Variants in MTHFSD observed in about 807,000 individuals in gnomAD.
MTHFSD encodes the protein methenyltetrahydrofolate synthetase domain containing.
In MTHFSD, 37 loss-of-function variants were observed where a neutral mutation model predicts 31.1. That is an observed-to-expected ratio of 1.19 (90% CI 0.91 to 1.56). The LOEUF (loss-of-function observed/expected upper bound fraction) is 1.56. Among genes scored for constraint, MTHFSD ranks in the 40% most tolerant of loss-of-function variants. MTHFSD has a pLI of 0.00. For missense variants in MTHFSD, 664 were observed against 510.1 expected (o/e 1.30, Z -2.91); for synonymous variants, 221 against 206.9 (o/e 1.07, Z -0.59).
chr16:86,541,104 TG>T lies in MTHFSD; in HGVS notation c.681+592del. On this transcript the variant is annotated intron_variant, in intron 7 of 7. Coordinates refer to ENST00000360900, the MANE Select transcript of MTHFSD (RefSeq NM_001159377.2). Reference sequence around the variant, plus strand: ...CAAATGTCTTCTCAGTAATTCTGGCTGTTTGCCAGCAGAGACAGCATCATAA... The same window carrying T: ...CAAATGTCTTCTCAGTAATTCTGGCTTTTGCCAGCAGAGACAGCATCATAA... 2.3e-6 allele frequency: 3 copies of T among 1,277,900 alleles called. No individual in the cohort carries two copies. In the South Asian group the frequency reaches 3.8e-5, roughly 16 times the overall value. The allele number at this position is 1,277,900 out of a possible 1,614,324, so 79.2% of individuals were successfully genotyped here.
chr16:86,546,658 A>C lies in MTHFSD; in HGVS notation c.352-9T>G. Reference sequence around the variant, plus strand: ...CTGTAGTTCCTCACACCCTGCACACAGAGATACGGATTGGAAAACTTCAAC... The same window carrying C: ...CTGTAGTTCCTCACACCCTGCACACCGAGATACGGATTGGAAAACTTCAAC... On this transcript the variant is annotated splice_polypyrimidine_tract_variant and intron_variant, in intron 4 of 7. Transcript: ENST00000360900. 1 of 1,609,120 alleles carries C rather than the reference A, an allele frequency of 6.2e-7. No homozygotes were observed. The highest frequency in any genetic ancestry group is 1.1e-5 in the South Asian group (1 of 90,978).
intron 2 of MTHFSD, among the ~76,000 whole-genome samples, chr16:86,552,481 G>GA (rs1230350766): frequency 6.6e-6 from 1 of 152,148 alleles, no homozygotes; most frequent in Non-Finnish European, 1.5e-5. Flanking sequence ...AGCTTTAACT[G>GA]AAATGAAACA....
rs55782369 is a variant in MTHFSD at position 86,542,386 on chromosome 16, G to T, written c.443-173C>A. On this transcript the variant is annotated intron_variant, in intron 5 of 7. Coordinates refer to ENST00000360900, the MANE Select transcript of MTHFSD (RefSeq NM_001159377.2). This position sits in a 1 kb window ranked among gnomAD's most constrained non-coding sequence, Gnocchi z 4.6. ...CCCACAAGCAGCCCACACTGACGAT[G>T]GACTTTTGGGCATTCAACAGGAATA... 68,804 of 597,066 alleles carry T rather than the reference G, an allele frequency of 0.12. 4,648 individuals carry two copies. The highest frequency in any genetic ancestry group is 0.22 in the South Asian group (10,811 of 49,406). The allele number at this position is 597,066 out of a possible 1,614,324, so 37.0% of individuals were successfully genotyped here. A position where few individuals can be genotyped will look rare whatever the true frequency, so the allele number is the denominator to read the frequency against.
At position 86,546,558 on chromosome 16, in the gene MTHFSD, C is replaced by T; in HGVS notation, c.442+1G>A. On this transcript the variant is annotated splice_donor_variant, in intron 5 of 7. Coordinates refer to ENST00000360900, the MANE Select transcript of MTHFSD (RefSeq NM_001159377.2). LOFTEE classifies it high-confidence loss of function. ...CAAGGGTTCCCATCTGCTAGTCTTA[C>T]CTTTTTCAGAAACGGCGACGGATCC... The T allele has an allele frequency of 6.2e-7, 1 of 1,613,884 alleles. No individual in the cohort carries two copies. The highest frequency in any genetic ancestry group is 8.5e-7 in the Non-Finnish European group (1 of 1,179,934).
At chr16:86,533,065 AAC>A (rs1215694299) in intron 7 of MTHFSD, 3 of 152,288 alleles carry the variant, frequency 2.0e-5, no homozygotes, top group Non-Finnish European at 4.4e-5. Flanking sequence ...GCAAGTCTGA[AAC>A]ACAGCTTTGA....
At chr16:86,547,049 G>C (rs2143751440) in intron 4 of MTHFSD, 1 of 600,992 alleles carries the variant, frequency 1.7e-6, no homozygotes, top group Non-Finnish European at 2.1e-6. Flanking sequence ...AGTTTCTTCA[G>C]CTGTAAGACA....
chr16:86,552,399 AC>A, intron 2 of MTHFSD: 1 of 891,658 alleles, frequency 1.1e-6, no homozygotes, highest in East Asian at 2.7e-5. Context: ...ACTAACAGTC[AC>A]CCAAAGAAAC....
Position 86,532,219 on chromosome 16 carries a change from C to T in MTHFSD, c.944G>A (p.Gly315Glu), listed in dbSNP as rs778077707. 41 of 1,582,414 alleles carry T rather than the reference C, an allele frequency of 2.6e-5. No individual in the cohort carries two copies. Among genetic ancestry groups the T allele is most frequent in the South Asian group, 8.1e-5 (7 of 86,482 alleles). The change falls in exon 8 of 8, where the codon GGG becomes GAG. Residue 315 changes from glycine to glutamate, a missense_variant. By Grantham distance (98) the Gly-to-Glu change is moderately conservative (BLOSUM62 -2). Coordinates refer to ENST00000360900, the MANE Select transcript of MTHFSD (RefSeq NM_001159377.2). ...AADVYVGNLP[G>E]DARVSDLKRA... is the part of the protein sequence containing the mutation. ...CTTCAGGTCACTCACACGGGCGTCCCCGGGGAGGTTCCCAACGTAAACATC... is the reference window on the plus strand; with the variant it reads ...CTTCAGGTCACTCACACGGGCGTCCTCGGGGAGGTTCCCAACGTAAACATC...
chr16:86,546,147 C>T (rs1195373302), intron 5 of MTHFSD, among the ~76,000 whole-genome samples: 3 of 152,176 alleles, frequency 2.0e-5, no homozygotes, highest in Non-Finnish European at 2.9e-5. Flanking sequence ...TCGGACACAC[C>T]GTGTTGTTCA....
intron 5 of MTHFSD, among the ~76,000 whole-genome samples, chr16:86,543,223 GC>G (rs1415532290): frequency 2.0e-5 from 3 of 152,236 alleles, no homozygotes; most frequent in Non-Finnish European, 2.9e-5. Context: ...CTGCTCACTA[GC>G]GGACTGCTCA....
intron 5 of MTHFSD, among the ~76,000 whole-genome samples, chr16:86,545,501 A>G (rs1263892247): frequency 6.6e-6 from 1 of 152,080 alleles, no homozygotes; most frequent in Non-Finnish European, 1.5e-5. Flanking sequence ...AAGTCCCATC[A>G]TCTGGCCTCA....
chr16:86,541,891 C>G, intron 6 of MTHFSD, 69 bp from the exon 7 acceptor site: 1 of 1,590,132 alleles, frequency 6.3e-7, no homozygotes, highest in Admixed American at 1.7e-5. Context: ...CTGCCCCGCT[C>G]GGTGGGAACG....
Position 86,542,102 on chromosome 16 carries a change from T to C in MTHFSD, c.554A>G (p.Gln185Arg). ...TPVVTIVHDCQVVDIPEELVE... is the reference protein window; with the variant it reads ...TPVVTIVHDCRVVDIPEELVE... Reference sequence around the variant, plus strand: ...GCTCAGCCCATTCATAAGGAGCACCTGGCAGTCGTGGACGATGGTGACCAC... The same window carrying C: ...GCTCAGCCCATTCATAAGGAGCACCCGGCAGTCGTGGACGATGGTGACCAC... Residue 185 changes from glutamine (Q) to arginine (R), a missense_variant and splice_region_variant, in exon 6 of 8, where the codon CAG becomes CGG. By Grantham distance (43) the Gln-to-Arg change is conservative. Coordinates refer to ENST00000360900, the MANE Select transcript of MTHFSD (RefSeq NM_001159377.2). This position sits in a 1 kb window ranked among gnomAD's most constrained non-coding sequence, Gnocchi z 4.6. 1 of 1,613,010 alleles carries C rather than the reference T, an allele frequency of 6.2e-7. No homozygotes were observed. Among genetic ancestry groups the C allele is most frequent in the Non-Finnish European group, 8.5e-7 (1 of 1,179,532 alleles).
intron 7 of MTHFSD, chr16:86,540,779 C>G (rs1597342157): frequency 2.0e-6 from 2 of 992,482 alleles, no homozygotes; most frequent in South Asian, 4.5e-5. Flanking sequence ...GCTCCTGGTG[C>G]GCTTAGAGGG....
chr16:86,545,762 C>T (rs1030969497), intron 5 of MTHFSD, among the ~76,000 whole-genome samples: 1 of 152,214 alleles, frequency 6.6e-6, no homozygotes, highest in Non-Finnish European at 1.5e-5. Context: ...ACCCACACAC[C>T]ATGCACTTAA....
intron 7 of MTHFSD, chr16:86,532,723 G>A (rs115303292): frequency 1.1e-4 from 37 of 352,234 alleles, no homozygotes; most frequent in African/African-American, 7.5e-4. Context: ...CGGGGGCTCT[G>A]GAGCGTTTGC....
intron 1 of MTHFSD, 34 bp downstream of exon 1, chr16:86,555,135 C>A (rs1973912857): frequency 6.5e-7 from 1 of 1,532,990 alleles, no homozygotes; most frequent in East Asian, 2.4e-5. Flanking sequence ...CCTCCCCATT[C>A]CCAGCCGCCC....
chr16:86,554,409 C>T (rs1973741181), intron 2 of MTHFSD, among the ~76,000 whole-genome samples: 1 of 152,142 alleles, frequency 6.6e-6, no homozygotes, highest in South Asian at 2.1e-4. Flanking sequence ...TGGACACAAC[C>T]TCACCTAGAG....
At position 86,546,683 on chromosome 16, in the gene MTHFSD, C is replaced by G. The variant is rs372257538; in HGVS notation, c.352-34G>C. 1.2e-3 allele frequency: 1,793 copies of G among 1,529,004 alleles called. 3 individuals carry two copies. Among genetic ancestry groups the G allele is most frequent in the Non-Finnish European group, 1.4e-3 (1,567 of 1,103,374 alleles). 94.7% of individuals were successfully genotyped at this position (1,529,004 alleles called of 1,614,324 possible). On this transcript the variant is annotated intron_variant, in intron 4 of 7. Transcript: ENST00000360900. ...AGAGATACGGATTGGAAAACTTCAA[C>G]TCCAGCTGCTTCCTCATTTTATAAT...
Sources: gnomAD v4.1 joint callset for allele counts (sites outside exome capture counted in the v4.1 genomes callset) on GRCh38, gnomAD v4.1.1 for gene constraint, Gnocchi (gnomAD v3.1) non-coding constraint, MANE v1.5 for transcripts, NCBI Gene and HGNC (gene_info 2026-07-23, HGNC 2026-07-21) for gene names.